Variants in SMCO2 observed in about 807,000 individuals in gnomAD.
SMCO2 encodes single-pass membrane and coiled-coil domain-containing protein 2.
SMCO2 carries 25 observed loss-of-function variants against 29.5 expected under a neutral mutation model. The observed-to-expected ratio is 0.85, with a 90% CI of 0.62 to 1.18. The LOEUF (loss-of-function observed/expected upper bound fraction) is 1.18, where lower values mean the gene tolerates loss of function less well. Among genes scored for constraint, SMCO2 ranks in the 50% most tolerant of loss-of-function variants. The pLI is 0.00. For missense variants in SMCO2, 348 were observed against 344.5 expected (o/e 1.01, Z -0.08); for synonymous variants, 117 against 123.3 (o/e 0.95, Z 0.34).
chr12:27,451,696 A>C, the SMCO2 span, among the ~76,000 whole-genome samples: 122 of 152,208 alleles, frequency 8.0e-4, 1 homozygote, highest in Non-Finnish European at 1.9e-4. Context: ...CACTCTGCAC[A>C]TGTCTGCCTC....
chr12:27,500,315 T>C (rs1421950335), intron 7 of SMCO2, among the ~76,000 whole-genome samples: 1 of 150,054 alleles, frequency 6.7e-6, no homozygotes, highest in Non-Finnish European at 1.5e-5. Context: ...GTATTTACCG[T>C]AGGACAGAAA....
chr12:27,479,445 G>C (rs941069483), intron 4 of SMCO2, among the ~76,000 whole-genome samples: 6 of 152,198 alleles, frequency 3.9e-5, no homozygotes, highest in Non-Finnish European at 5.9e-5. Flanking sequence ...GAGGCTCCAG[G>C]GTTGCTGTCT....
chr12:27,449,534 A>G, the SMCO2 span, among the ~76,000 whole-genome samples: 2 of 152,230 alleles, frequency 1.3e-5, no homozygotes, highest in African/African-American at 4.8e-5. Context: ...CTTCTCCTCC[A>G]TTTCCTTCTT....
chr12:27,489,876 T>C (rs1222089471), intron 5 of SMCO2, among the ~76,000 whole-genome samples: 1 of 152,194 alleles, frequency 6.6e-6, no homozygotes, highest in Non-Finnish European at 1.5e-5. Flanking sequence ...AATGTAGATT[T>C]CAGTAGCAGG....
the SMCO2 span, among the ~76,000 whole-genome samples, chr12:27,434,918 G>A: frequency 6.6e-6 from 1 of 152,080 alleles, no homozygotes; most frequent in Non-Finnish European, 1.5e-5. Context: ...CTGCTACCAG[G>A]CCATGGAAGG....
chr12:27,467,448 A>C (rs551903520), intron 1 of SMCO2, among the ~76,000 whole-genome samples: 2 of 151,300 alleles, frequency 1.3e-5, no homozygotes, highest in African/African-American at 4.9e-5. Context: ...AAAGGCAGAC[A>C]TTGGTTCAAT....
At chr12:27,430,612 A>G in the SMCO2 span, among the ~76,000 whole-genome samples, 3 of 152,196 alleles carry the variant, frequency 2.0e-5, no homozygotes, top group African/African-American at 7.2e-5. Flanking sequence ...TCTTGGAACC[A>G]TCTGCCCAAT....
intron 4 of SMCO2, among the ~76,000 whole-genome samples, chr12:27,485,059 A>G (rs1242255137): frequency 6.6e-6 from 1 of 151,734 alleles, no homozygotes; most frequent in East Asian, 1.9e-4. Context: ...CTCACCATCA[A>G]GGATTTTAAT....
At chr12:27,428,347 T>C in the SMCO2 span, among the ~76,000 whole-genome samples, 1 of 152,192 alleles carries the variant, frequency 6.6e-6, no homozygotes, top group Non-Finnish European at 1.5e-5. Context: ...CCTTGGAAGT[T>C]AGAAGCAAGA....
chr12:27,431,635 A>T, the SMCO2 span, among the ~76,000 whole-genome samples: 1 of 152,138 alleles, frequency 6.6e-6, no homozygotes, highest in African/African-American at 2.4e-5. Context: ...ATTTTAAAAA[A>T]ATCCATCCGT....
At chr12:27,443,730 T>TA in the SMCO2 span, among the ~76,000 whole-genome samples, 7 of 151,934 alleles carry the variant, frequency 4.6e-5, no homozygotes, top group African/African-American at 1.4e-4. Context: ...GAACAATTTG[T>TA]AAAAAATCAA....
the SMCO2 span, among the ~76,000 whole-genome samples, chr12:27,433,550 AT>A: frequency 2.7e-5 from 4 of 150,144 alleles, no homozygotes; most frequent in Middle Eastern, 3.4e-3. Flanking sequence ...CACATATATC[AT>A]ATTCTCAACC....
intron 1 of SMCO2, among the ~76,000 whole-genome samples, chr12:27,468,988 G>A (rs1389213326): frequency 1.3e-5 from 2 of 152,206 alleles, no homozygotes; most frequent in Admixed American, 1.3e-4. Context: ...CAGAATTTGG[G>A]TAGGTGCCTA....
chr12:27,489,735 A>T (rs1281325749), intron 5 of SMCO2, among the ~76,000 whole-genome samples: 2 of 152,178 alleles, frequency 1.3e-5, no homozygotes, highest in Non-Finnish European at 2.9e-5. Flanking sequence ...ATTTTGTGTG[A>T]GTTGAAAGAG....
intron 6 of SMCO2, 66 bp downstream of exon 7, chr12:27,494,422 T>C (rs1942970896): frequency 1.4e-5 from 16 of 1,112,364 alleles, no homozygotes; most frequent in Non-Finnish European, 2.0e-5. Context: ...AATACAGGGG[T>C]CATTCATTGC....
intron 4 of SMCO2, among the ~76,000 whole-genome samples, chr12:27,486,096 T>C (rs35870380): frequency 0.024 from 3,683 of 152,312 alleles, 146 homozygotes; most frequent in African/African-American, 0.085. Context: ...TGCTTGATCT[T>C]TAGAGATTGT....
chr12:27,453,494 C>T, the SMCO2 span, among the ~76,000 whole-genome samples: 220 of 152,308 alleles, frequency 1.4e-3, 2 homozygotes, highest in African/African-American at 5.1e-3. Flanking sequence ...CATGAAAGAA[C>T]AGAAAGGCTG....
upstream of SMCO2, among the ~76,000 whole-genome samples, chr12:27,466,559 G>A (rs1949499977): frequency 6.6e-6 from 1 of 152,354 alleles, no homozygotes; most frequent in Admixed American, 6.5e-5. Context: ...TGTGGTAGAA[G>A]AAGCTGAGAT....
the SMCO2 span, among the ~76,000 whole-genome samples, chr12:27,429,541 C>T: frequency 6.6e-6 from 1 of 151,664 alleles, no homozygotes; most frequent in Non-Finnish European, 1.5e-5. Flanking sequence ...ACCACTTATA[C>T]CTTTTTTTAG....
Sources: gnomAD v4.1 joint callset for allele counts (sites outside exome capture counted in the v4.1 genomes callset) on GRCh38, gnomAD v4.1.1 for gene constraint, MANE v1.5 for transcripts, NCBI Gene and HGNC (gene_info 2026-07-23, HGNC 2026-07-21) for gene names.